MARCHF6: variants seen among roughly 807,000 people sequenced by gnomAD.
The protein encoded by MARCHF6 is membrane associated ring-CH-type finger 6.
MARCHF6 carries 31 observed loss-of-function variants against 133.7 expected under a neutral mutation model. That is an observed-to-expected ratio of 0.23 (90% CI 0.17 to 0.31). MARCHF6 has a LOEUF of 0.31. Among genes scored for constraint, MARCHF6 ranks in the 10% least tolerant of loss-of-function variants. The probability of loss-of-function intolerance (pLI) is 1.00; values close to 1 mark genes in which losing one functional copy is unlikely to be tolerated. For synonymous variants in MARCHF6, 395 were observed against 402.5 expected (o/e 0.98, Z 0.22); for missense variants, 723 against 1,121.6 (o/e 0.64, Z 5.08).
At chr5:10,378,641 A>G (rs905772288) in intron 2 of MARCHF6, 118 bp from the exon 3 acceptor site, 3 of 643,736 alleles carry the variant, frequency 4.7e-6, no homozygotes, top group Non-Finnish European at 7.8e-6. Flanking sequence ...TAAATTTGAA[A>G]ATTTTGAAAC....
chr5:10,382,707 A>G (rs1374729900), intron 4 of MARCHF6, among the ~76,000 whole-genome samples: 1 of 152,120 alleles, frequency 6.6e-6, no homozygotes, highest in African/African-American at 2.4e-5. Flanking sequence ...TGTGCCTGTA[A>G]TCTCAGCTAC....
chr5:10,399,659 T>G (rs1738404807), intron 10 of MARCHF6, among the ~76,000 whole-genome samples: 1 of 152,188 alleles, frequency 6.6e-6, no homozygotes, highest in African/African-American at 2.4e-5. Flanking sequence ...TAGAATTTGG[T>G]ATTTCCTAAT....
chr5:10,384,818 C>T (rs1421832769), intron 4 of MARCHF6, among the ~76,000 whole-genome samples: 2 of 152,138 alleles, frequency 1.3e-5, no homozygotes, highest in East Asian at 3.8e-4. Context: ...ATTACAAATA[C>T]CTTATGATCT....
At chr5:10,420,742 T>G (rs370766636) in intron 22 of MARCHF6, among the ~76,000 whole-genome samples, 18 of 152,226 alleles carry the variant, frequency 1.2e-4, no homozygotes, top group Admixed American at 3.9e-4. Flanking sequence ...AACAGGAGCA[T>G]TATTCAAACC....
intron 8 of MARCHF6, among the ~76,000 whole-genome samples, 164 bp from the exon 9 acceptor site, chr5:10,394,587 CAG>C (rs1263786135): frequency 6.6e-6 from 1 of 151,884 alleles, no homozygotes; most frequent in African/African-American, 2.4e-5. Context: ...CATTCAGAAA[CAG>C]AATTTTTTTT....
chr5:10,369,400 T>A (rs1004250802), intron 1 of MARCHF6, among the ~76,000 whole-genome samples: 1 of 152,234 alleles, frequency 6.6e-6, no homozygotes, highest in Non-Finnish European at 1.5e-5. Context: ...AGGGAACAAG[T>A]ATGTTTTTCA....
chr5:10,391,558 A>T lies in MARCHF6; in HGVS notation c.593A>T (p.Asn198Ile), dbSNP rs964538113. ...TGATTTTAGGCTCCAGCAGGAGGAA[A>T]TGGTGCAGAAAATGTTGCTGCTGAT... is the stretch of plus-strand genomic sequence containing the variant. ...HHQNEAPAGG[N>I]GAENVAADQP... is the part of the protein sequence containing the mutation. Residue 198 changes from asparagine to isoleucine, a missense_variant, in exon 7 of 26, where the codon AAT becomes ATT. This residue lies in a region of MARCHF6 where 97 missense variants were observed against 115.4 expected (regional missense o/e 0.84). Transcript: ENST00000274140. The T allele has an allele frequency of 1.9e-6, 3 of 1,608,548 alleles. No individual in the cohort carries two copies. Among genetic ancestry groups the T allele is most frequent in the South Asian group, 2.2e-5 (2 of 90,948 alleles).
rs116374005 is a variant in MARCHF6 at position 10,383,443 on chromosome 5, G to A, written c.334+1500G>A. On this transcript the variant is annotated intron_variant, in intron 4 of 25. Transcript: ENST00000274140. ...GTTTTCTGGAGCTGGGTAGGGTGGC[G>A]ATGGTGATAGAGGTATAGAGATTGT... Among the ~76,000 whole-genome samples the A allele has an allele frequency of 2.0e-3, 309 of 152,300 alleles. 1 individual carries two copies. Among genetic ancestry groups the A allele is most frequent in the Admixed American group, 3.7e-3 (57 of 15,304 alleles).
chr5:10,386,371 A>G (rs191287938), intron 4 of MARCHF6, among the ~76,000 whole-genome samples: 1 of 152,346 alleles, frequency 6.6e-6, no homozygotes. Context: ...GTGGTCTGTT[A>G]TCTCATTCTG....
chr5:10,424,989 C>T (rs939896405), intron 23 of MARCHF6, among the ~76,000 whole-genome samples: 17 of 152,182 alleles, frequency 1.1e-4, no homozygotes, highest in East Asian at 3.8e-4. Flanking sequence ...TGCTACTTTA[C>T]GCTTTAGCTA....
intron 7 of MARCHF6, among the ~76,000 whole-genome samples, chr5:10,392,787 A>G (rs1737945806): frequency 6.6e-6 from 1 of 151,436 alleles, no homozygotes; most frequent in South Asian, 2.1e-4. Flanking sequence ...GACAGGGTCT[A>G]CCAGTCAGCT....
chr5:10,423,688 T>C, intron 22 of MARCHF6, 47 bp from the exon 23 acceptor site: 4 of 1,313,752 alleles, frequency 3.0e-6, no homozygotes, highest in South Asian at 1.2e-5. Context: ...GCTGTGTTTA[T>C]TGTTAAAAAA....
chr5:10,400,836 A>G lies in MARCHF6; in HGVS notation c.966A>G (p.Glu322=). 6.2e-7 allele frequency: 1 copy of G among 1,607,880 alleles called. No homozygotes were observed. The highest frequency in any genetic ancestry group is 8.5e-7 in the Non-Finnish European group (1 of 1,174,466). ...TCTCCCTTGTTGGTTTGGGATTTGA[A>G]GAACACGTGAGTATAATACTTTTAC... ...GHFSLVGLGF[E]EHVQASHFEG... Residue 322 remains glutamate (E), a synonymous_variant, in exon 11 of 26, where the codon GAA becomes GAG. Transcript: ENST00000274140.
chr5:10,353,742 C>T lies in MARCHF6; in HGVS notation c.-157C>T, dbSNP rs1735243156. 4.6e-6 allele frequency: 2 copies of T among 439,010 alleles called. No individual in the cohort carries two copies. The highest frequency in any genetic ancestry group is 4.0e-5 in the South Asian group (2 of 50,508). The allele number at this position is 439,010 out of a possible 1,614,324, so 27.2% of individuals were successfully genotyped here. ...TGTCGCTCGCTTTCTGTCAGCCTCTCTCCCTCTCCCTCTCCCCTCTCCTTC... is the reference window on the plus strand; with the variant it reads ...TGTCGCTCGCTTTCTGTCAGCCTCTTTCCCTCTCCCTCTCCCCTCTCCTTC... On this transcript the variant is annotated 5_prime_UTR_variant, in exon 1 of 26. Transcript: ENST00000274140.
In MARCHF6 at chr5:10,407,024, G is replaced by T. The variant is rs1348617474; in HGVS notation, c.1453-78G>T. 8.0e-6 allele frequency: 6 copies of T among 754,294 alleles called. No homozygotes were observed. In the Admixed American group the frequency reaches 1.3e-4, roughly 16 times the overall value. The allele number at this position is 754,294 out of a possible 1,614,324, so 46.7% of individuals were successfully genotyped here. A position where few individuals can be genotyped will look rare whatever the true frequency, so the allele number is the denominator to read the frequency against. On this transcript the variant is annotated intron_variant, in intron 16 of 25. Coordinates refer to ENST00000274140, the MANE Select transcript of MARCHF6 (RefSeq NM_005885.4). ...CAGGCCTGGACTGCATATTGCTTGA[G>T]TGTGCTCAGAAGTCTGCCTGTCTTG...
intron 5 of MARCHF6, 42 bp from the exon 6 acceptor site, chr5:10,390,290 A>T: frequency 6.6e-7 from 1 of 1,519,446 alleles, no homozygotes; most frequent in Non-Finnish European, 8.9e-7. Flanking sequence ...CCTAATTTTA[A>T]GTCTTCTTTG....
At chr5:10,428,630 C>T (rs1466553768) in intron 24 of MARCHF6, among the ~76,000 whole-genome samples, 1 of 152,148 alleles carries the variant, frequency 6.6e-6, no homozygotes, top group Non-Finnish European at 1.5e-5. Context: ...GCATGAGCTA[C>T]CACACCCAGC....
At chr5:10,396,375 G>C (rs957680237) in intron 9 of MARCHF6, among the ~76,000 whole-genome samples, 3 of 152,148 alleles carry the variant, frequency 2.0e-5, no homozygotes, top group African/African-American at 7.2e-5. Context: ...AGATAACAGA[G>C]GTTGAAGTAT....
chr5:10,414,527 C>T (rs1228392077), intron 20 of MARCHF6, 25 bp downstream of exon 20: 1 of 1,557,454 alleles, frequency 6.4e-7, no homozygotes, highest in Non-Finnish European at 8.9e-7. Flanking sequence ...TAGCCTTCAG[C>T]TAATAGCATC....
Sources: gnomAD v4.1 joint callset for allele counts (sites outside exome capture counted in the v4.1 genomes callset) on GRCh38, gnomAD v4.1.1 for gene constraint, gnomAD v4.1.1 regional missense constraint, MANE v1.5 for transcripts, NCBI Gene and HGNC (gene_info 2026-07-23, HGNC 2026-07-21) for gene names.